Variants in C7 observed in about 807,000 individuals in gnomAD.
C7 encodes the protein complement C7, also known as complement component C7.
Under a neutral mutation model 104.8 loss-of-function variants are expected in C7, and 83 were observed. That is an observed-to-expected ratio of 0.79 (90% confidence interval 0.66 to 0.95). The LOEUF is 0.95. Among genes scored for constraint, C7 ranks in the 40% least tolerant of loss-of-function variants. The pLI, the probability that C7 is intolerant of heterozygous loss-of-function variation, is 0.00. For missense variants in C7, 1,070 were observed against 1,011.2 expected (o/e 1.06, Z -0.79); for synonymous variants, 415 against 360.6 (o/e 1.15, Z -1.71).
chr5:40,946,688 T>C (rs565738064), intron 7 of C7, among the ~76,000 whole-genome samples: 1 of 152,324 alleles, frequency 6.6e-6, no homozygotes, highest in Non-Finnish European at 1.5e-5. Context: ...TTTATATACT[T>C]ATATTTATCA....
rs1579843571 is a variant in C7, at chr5:40,928,733, A to T, written c.62+98A>T. On this transcript the variant is annotated intron_variant, in intron 2 of 17. Coordinates refer to ENST00000313164, the MANE Select transcript of C7 (RefSeq NM_000587.4). ...TTGACATTGCACTTTGAATCTGTGT[A>T]TCCCTCCAACATATTTTCTCTTTCC... is the stretch of plus-strand genomic sequence containing the variant. 9 of 666,500 alleles carry T rather than the reference A, an allele frequency of 1.4e-5. No homozygotes were observed. In the East Asian group the frequency reaches 2.3e-4, roughly 17 times the overall value. The allele number at this position is 666,500 out of a possible 1,614,324, so 41.3% of individuals were successfully genotyped here.
At chr5:40,921,525 G>T (rs1163472491) in intron 1 of C7, among the ~76,000 whole-genome samples, 1 of 151,542 alleles carries the variant, frequency 6.6e-6, no homozygotes, top group Non-Finnish European at 1.5e-5. Context: ...AGTGCTGGAG[G>T]TATCACACTA....
At chr5:40,914,037 T>C (rs148303392) in intron 1 of C7, among the ~76,000 whole-genome samples, 1 of 152,262 alleles carries the variant, frequency 6.6e-6, no homozygotes, top group East Asian at 1.9e-4. Context: ...CTATGTTGCC[T>C]AGGCTGGTCT....
intron 13 of C7, chr5:40,964,538 G>A: frequency 2.1e-6 from 1 of 485,088 alleles, no homozygotes; most frequent in African/African-American, 2.0e-5. Context: ...ATAGACAGTG[G>A]TATTAATAGT....
intron 9 of C7, among the ~76,000 whole-genome samples, chr5:40,952,399 G>T (rs1291065412): frequency 6.6e-6 from 1 of 152,020 alleles, no homozygotes; most frequent in African/African-American, 2.4e-5. Context: ...AGAGTTAGCT[G>T]GAACAGAGAG....
rs548193569 is a variant in C7 at position 40,961,605 on chromosome 5, G to A, written c.1662-480G>A. Among the ~76,000 whole-genome samples, 5 of 152,000 alleles carry A rather than the reference G, an allele frequency of 3.3e-5. 1 individual carries two copies. Among genetic ancestry groups the A allele is most frequent in the Admixed American group, 2.0e-4 (3 of 15,262 alleles). On this transcript the variant is annotated intron_variant, in intron 12 of 17. Coordinates refer to ENST00000313164, the MANE Select transcript of C7 (RefSeq NM_000587.4). ...TCACCTTGTTGGCCAGGCTGGTCTC[G>A]GAACTCCTGACCTCAGGCTATCTGC...
chr5:40,943,169 A>G (rs1346970445), intron 6 of C7, among the ~76,000 whole-genome samples: 1 of 152,258 alleles, frequency 6.6e-6, no homozygotes, highest in Non-Finnish European at 1.5e-5. Context: ...GTCATGAGCC[A>G]AGAAGCCTAA....
chr5:40,944,611 T>C (rs543892362), intron 6 of C7, among the ~76,000 whole-genome samples: 1 of 152,364 alleles, frequency 6.6e-6, no homozygotes, highest in East Asian at 1.9e-4. Flanking sequence ...GCTGAAGCTG[T>C]CACTTCTCAT....
Position 40,942,253 on chromosome 5 carries a change from T to G in C7, c.568-2945T>G, listed in dbSNP as rs115306135. 7.4e-3 allele frequency among the ~76,000 whole-genome samples: 1,124 copies of G among 152,320 alleles called. 16 individuals are homozygous for G. Among genetic ancestry groups the G allele is most frequent in the African/African-American group, 0.026 (1,083 of 41,560 alleles). On this transcript the variant is annotated intron_variant, in intron 6 of 17. Coordinates refer to ENST00000313164, the MANE Select transcript of C7 (RefSeq NM_000587.4). ...TATATAGTAACAGGTAAAGCATTTC[T>G]TATTTTAGTTGGTTGTATTAGAACA...
chr5:40,958,059 G>A lies in C7; in HGVS notation c.1287G>A (p.Lys429=), dbSNP rs199701092. The A allele has an allele frequency of 4.3e-5, 70 of 1,613,354 alleles. No homozygotes were observed. In the African/African-American group the frequency reaches 8.7e-4, roughly 20 times the overall value. Reference sequence around the variant, plus strand: ...TGACACCTTTATATGAGCTGGTAAAGGAAGTACCTTGTGCCTCTGTGAAAA... The same window carrying A: ...TGACACCTTTATATGAGCTGGTAAAAGAAGTACCTTGTGCCTCTGTGAAAA... The part of the protein sequence containing the change: ...QKLTPLYELV[K]EVPCASVKKL... Residue 429 remains lysine, a synonymous_variant, in exon 11 of 18, where the codon AAG becomes AAA. Coordinates refer to ENST00000313164, the MANE Select transcript of C7 (RefSeq NM_000587.4).
At position 40,947,717 on chromosome 5, in the gene C7, C is replaced by T; in HGVS notation, c.854C>T (p.Ser285Phe). 1 of 1,613,808 alleles carries T rather than the reference C, an allele frequency of 6.2e-7. No individual in the cohort carries two copies. Residue 285 changes from serine (S) to phenylalanine (F), a missense_variant, in exon 8 of 18, where the codon TCT becomes TTT. Transcript: ENST00000313164. ...PFWKELSHLP[S>F]LYDYSAYRRL... ...TGGAAGGAGCTTTCCCACCTCCCCT[C>T]TCTGTATGACTACAGTGCCTACCGA...
At chr5:40,970,308 CA>C (rs1352189148) in intron 14 of C7, among the ~76,000 whole-genome samples, 2 of 152,120 alleles carry the variant, frequency 1.3e-5, no homozygotes, top group African/African-American at 4.8e-5. Context: ...GTCCAAAGTC[CA>C]TTAGGGATAT....
At chr5:40,976,892 A>C in intron 16 of C7, 52 bp downstream of exon 16, 1 of 1,348,334 alleles carries the variant, frequency 7.4e-7, no homozygotes, top group Non-Finnish European at 1.0e-6. Context: ...ATGATAAGGG[A>C]TAATTTCTTA....
At chr5:40,947,185 T>A (rs1740067233) in intron 7 of C7, among the ~76,000 whole-genome samples, 1 of 150,068 alleles carries the variant, frequency 6.7e-6, no homozygotes, top group South Asian at 2.2e-4. Flanking sequence ...CTTCAATCAC[T>A]GCCTCCTGGG....
intron 1 of C7, among the ~76,000 whole-genome samples, chr5:40,912,621 A>T (rs1368113011): frequency 1.3e-5 from 2 of 152,118 alleles, no homozygotes; most frequent in African/African-American, 4.8e-5. Flanking sequence ...GTCCTCCCCA[A>T]ATGCCAGGAT....
chr5:40,923,522 G>C (rs1739485949), intron 1 of C7, among the ~76,000 whole-genome samples: 1 of 152,088 alleles, frequency 6.6e-6, no homozygotes, highest in Non-Finnish European at 1.5e-5. Flanking sequence ...GAGGCAGGCA[G>C]ATCACCTGAG....
At chr5:40,929,541 C>G (rs1739631759) in intron 2 of C7, among the ~76,000 whole-genome samples, 1 of 152,160 alleles carries the variant, frequency 6.6e-6, no homozygotes, top group Admixed American at 6.5e-5. Flanking sequence ...TAACCTGACC[C>G]TCTTAAGACA....
Position 40,981,469 on chromosome 5 carries a change from G to C in C7, c.2428G>C (p.Gly810Arg). ...EGFSICVEVN[G>R]KEQTMSECEA... ...GTTTAGCATTTGTGTGGAAGTGAAC[G>C]GCAAGGAGCAGACGATGTCTGAGTG... The change falls in exon 18 of 18, where the codon GGC (glycine) becomes CGC (arginine). Residue 810 changes from glycine to arginine, a missense_variant. Coordinates refer to ENST00000313164, the MANE Select transcript of C7 (RefSeq NM_000587.4). The C allele has an allele frequency of 1.2e-6, 2 of 1,613,720 alleles. No homozygotes were observed. Among genetic ancestry groups the C allele is most frequent in the South Asian group, 1.1e-5 (1 of 90,970 alleles).
In C7 at chr5:40,931,149, T is replaced by C. The variant is rs1415383414; in HGVS notation, c.138+10T>C. The C allele has an allele frequency of 1.2e-6, 2 of 1,603,586 alleles. No homozygotes were observed. The highest frequency in any genetic ancestry group is 2.2e-5 in the South Asian group (2 of 90,748). On this transcript the variant is annotated intron_variant, in intron 3 of 17. Transcript: ENST00000313164. ...CTGTACCAAGACTCAGGTAGGACCA[T>C]GCAAAACTTTGTATTTGATTATTTA...
Sources: gnomAD v4.1 joint callset for allele counts (sites outside exome capture counted in the v4.1 genomes callset) on GRCh38, gnomAD v4.1.1 for gene constraint, MANE v1.5 for transcripts, NCBI Gene and HGNC (gene_info 2026-07-23, HGNC 2026-07-21) for gene names.